Variants in TTN observed in about 807,000 individuals in gnomAD.
TTN encodes the protein connectin.
Under a neutral mutation model 3,223.0 loss-of-function variants are expected in TTN, and 1,525 were observed. The observed-to-expected ratio is 0.47, with a 90% CI of 0.45 to 0.49. TTN has a LOEUF of 0.49. Ranked by LOEUF, TTN falls within the 20% of genes least tolerant of loss-of-function variation. The pLI, the probability that TTN is intolerant of heterozygous loss-of-function variation, is 0.00. For missense variants in TTN, 40,786 were observed against 43,424.0 expected (o/e 0.94, Z 5.40); for synonymous variants, 14,094 against 15,161.0 (o/e 0.93, Z 5.17).
At chr2:178,702,090 A>AT (rs761558425) in intron 108 of TTN, 24 bp from the exon 109 acceptor site, 268 of 1,612,046 alleles carry the variant, frequency 1.7e-4, no homozygotes, top group Non-Finnish European at 2.2e-4. Flanking sequence ...AAAAAATGAT[A>AT]TTTTTGTGTT....
rs745618542 is a variant in TTN at position 178,642,269 on chromosome 2, G to A, written c.40526C>T (p.Pro13509Leu). Residue 13509 changes from proline to leucine, a missense_variant, in exon 219 of 363, where the codon CCT (proline) becomes CTT (leucine). Transcript: ENST00000589042. ...CAGAACAACTTCTTCCTTTGGTTCA[G>A]GTTTACGTTCCGGAAGTAATTTGCG... is the stretch of plus-strand genomic sequence containing the variant. ...KVRKLLPERK[P>L]EPKEEVVLKS... is the part of the protein sequence containing the mutation. The A allele has an allele frequency of 6.3e-7, 1 of 1,595,954 alleles. No homozygotes were observed. Among genetic ancestry groups the A allele is most frequent in the Admixed American group, 1.7e-5 (1 of 57,960 alleles).
At chr2:178,697,691 C>A (rs2073971362) in intron 112 of TTN, among the ~76,000 whole-genome samples, 1 of 152,098 alleles carries the variant, frequency 6.6e-6, no homozygotes, top group African/African-American at 2.4e-5. Context: ...TAATCTTAGT[C>A]AAATGAGTTA....
chr2:178,692,472 AT>A, intron 120 of TTN, 24 bp downstream of exon 120: 1 of 1,546,398 alleles, frequency 6.5e-7, no homozygotes, highest in Non-Finnish European at 8.8e-7. Context: ...GCTAAGAATT[AT>A]TTTTTTCACA....
At position 178,592,127 on chromosome 2, in the gene TTN, G is replaced by T. The variant is rs2050345101; in HGVS notation, c.59777C>A (p.Pro19926His). ...RRDVASAQWS[P>H]LSATSKKKSH... ...CTTTTTCTTTGATGTAGCTGAGAGA[G>T]GTGACCACTGGGCGCTGGCAACATC... The change falls in exon 302 of 363, where the codon CCT (proline) becomes CAT (histidine). Residue 19926 changes from proline to histidine, a missense_variant. Pro to His is a moderately conservative substitution (Grantham distance 77, BLOSUM62 -2). Transcript: ENST00000589042. 1 of 1,612,918 alleles carries T rather than the reference G, an allele frequency of 6.2e-7. No homozygotes were observed. Among genetic ancestry groups the T allele is most frequent in the Non-Finnish European group, 8.5e-7 (1 of 1,179,486 alleles).
Position 178,756,482 on chromosome 2 carries a change from T to G in TTN, c.10994A>C (p.His3665Pro). The change falls in exon 46 of 363, where the codon CAT (histidine) becomes CCT (proline). Residue 3665 changes from histidine (H) to proline (P), a missense_variant. Coordinates refer to ENST00000589042, the MANE Select transcript of TTN (RefSeq NM_001267550.2). ...GCACTTTACAGTGACGTCCTGAAGA[T>G]GCAGGAAAATCTTGGGCGCCTCACC... ...STGEAPKIFLHLQDVTVKCGD... is the reference protein window; with the variant it reads ...STGEAPKIFLPLQDVTVKCGD... The G allele has an allele frequency of 1.2e-6, 2 of 1,613,860 alleles. No homozygotes were observed. Among genetic ancestry groups the G allele is most frequent in the Non-Finnish European group, 1.7e-6 (2 of 1,179,808 alleles).
chr2:178,675,971 G>A lies in TTN; in HGVS notation c.34403C>T (p.Thr11468Ile), dbSNP rs2068002394. 2.5e-6 allele frequency: 4 copies of A among 1,605,326 alleles called. No homozygotes were observed. Among genetic ancestry groups the A allele is most frequent in the Non-Finnish European group, 3.4e-6 (4 of 1,175,282 alleles). The change falls in exon 148 of 363, where the codon ACA becomes ATA. Residue 11468 changes from threonine (T) to isoleucine (I), a missense_variant. Physicochemically the swap from Thr to Ile is moderately conservative, Grantham distance 89 (BLOSUM62 -1). Coordinates refer to ENST00000589042, the MANE Select transcript of TTN (RefSeq NM_001267550.2). ...CTTGGGAATGACCACTTTCTTCTCT[G>A]TCACTTTCTTCTTAATTTCAGGCAC... ...PKVPEIKKKV[T>I]EKKVVIPKKE...
chr2:178,560,727 A>G lies in TTN; in HGVS notation c.85405T>C (p.Ser28469Pro). 2 of 1,613,712 alleles carry G rather than the reference A, an allele frequency of 1.2e-6. No homozygotes were observed. The highest frequency in any genetic ancestry group is 1.7e-6 in the Non-Finnish European group (2 of 1,179,794). Residue 28469 changes from serine (S) to proline (P), a missense_variant, in exon 326 of 363, where the codon TCT becomes CCT. By Grantham distance (74) the Ser-to-Pro change is moderately conservative (BLOSUM62 -1). Coordinates refer to ENST00000589042, the MANE Select transcript of TTN (RefSeq NM_001267550.2). Reference sequence around the variant, plus strand: ...TCTTGGGGACGTCCCCAGGAAAGAGAGCATTTCTCAGCAGTGAGGCCATTT... The same window carrying G: ...TCTTGGGGACGTCCCCAGGAAAGAGGGCATTTCTCAGCAGTGAGGCCATTT... ...EINGLTAEKC[S>P]LSWGRPQEDG...
intron 121 of TTN, among the ~76,000 whole-genome samples, chr2:178,690,221 T>C (rs1363481873): frequency 6.6e-6 from 1 of 152,224 alleles, no homozygotes; most frequent in Non-Finnish European, 1.5e-5. Flanking sequence ...ATATGGTATA[T>C]AGAAAACTTC....
At chr2:178,610,521 GCAGA>G (rs2056066199) in intron 270 of TTN, 132 bp from the exon 271 acceptor site, 2 of 957,596 alleles carry the variant, frequency 2.1e-6, no homozygotes, top group East Asian at 5.2e-5. Flanking sequence ...CATTCACACT[GCAGA>G]GCATTTAGCA....
chr2:178,687,300 C>G (rs2071181665), intron 127 of TTN, among the ~76,000 whole-genome samples: 1 of 152,172 alleles, frequency 6.6e-6, no homozygotes, highest in Non-Finnish European at 1.5e-5. Context: ...GGCCACATGG[C>G]TCTAGCCAGA....
At position 178,768,120 on chromosome 2, in the gene TTN, T is replaced by G; in HGVS notation, c.9199A>C (p.Ile3067Leu). 1 of 1,614,118 alleles carries G rather than the reference T, an allele frequency of 6.2e-7. No homozygotes were observed. ...GCTCGCTTCTTCTCCAGTACCTTAATGTCCTTAATGTGTTTCCTAAATTCT... is the reference window on the plus strand; with the variant it reads ...GCTCGCTTCTTCTCCAGTACCTTAAGGTCCTTAATGTGTTTCCTAAATTCT... ...HIEFRKHIKDIKVLEKKRAMF... is the reference protein window; with the variant it reads ...HIEFRKHIKDLKVLEKKRAMF... The change falls in exon 39 of 363, where the codon ATT becomes CTT. Residue 3067 changes from isoleucine (I) to leucine (L), a missense_variant. Ile to Leu is a conservative substitution (Grantham distance 5). Transcript: ENST00000589042.
rs765919852 is a variant in TTN, at chr2:178,774,510, GGA to G, written c.6791-39_6791-38del. 2.5e-6 allele frequency: 4 copies of G among 1,598,014 alleles called. No individual in the cohort carries two copies. In the African/African-American group the frequency reaches 5.4e-5, roughly 21 times the overall value. On this transcript the variant is annotated intron_variant, in intron 29 of 362. Coordinates refer to ENST00000589042, the MANE Select transcript of TTN (RefSeq NM_001267550.2). ...AACAGAAAGATAAATCAATTTTTTT[GGA>G]GAGGTATGCATCTAGACTTAGGATA... is the stretch of plus-strand genomic sequence containing the variant.
At chr2:178,622,082 T>G in intron 243 of TTN, 74 bp from the exon 244 acceptor site, 1 of 1,405,412 alleles carries the variant, frequency 7.1e-7, no homozygotes, top group East Asian at 2.4e-5. Flanking sequence ...AAAACTATGA[T>G]CCTGAGTTTT....
Position 178,774,374 on chromosome 2 carries a change from C to G in TTN, c.6890G>C (p.Gly2297Ala). 6.2e-7 allele frequency: 1 copy of G among 1,613,998 alleles called. No homozygotes were observed. The highest frequency in any genetic ancestry group is 8.5e-7 in the Non-Finnish European group (1 of 1,179,936). The change falls in exon 30 of 363, where the codon GGA becomes GCA. Residue 2297 changes from glycine (G) to alanine (A), a missense_variant. Coordinates refer to ENST00000589042, the MANE Select transcript of TTN (RefSeq NM_001267550.2). Reference protein sequence around the residue: ...ECIVSPENIEGKWYHNDVELK... With the variant: ...ECIVSPENIEAKWYHNDVELK... ...CTCCACATCATTATGATACCATTTT[C>G]CTTCTATATTTTCTGGGGATACAAT... is the stretch of plus-strand genomic sequence containing the variant.
Position 178,636,717 on chromosome 2 carries a change from A to C in TTN, c.41010T>G (p.Asp13670Glu). Residue 13670 changes from aspartate (D) to glutamate (E), a missense_variant, in exon 225 of 363, where the codon GAT (aspartate) becomes GAG (glutamate). Transcript: ENST00000589042. The surrounding 1 kb of genome is among the most constrained non-coding windows in gnomAD (Gnocchi z 4.3). ...TTAGCTGGTAGGTGAACGGGGCTTC[A>C]TCAGGAGGTTTCTCTCCACCACTTC... ...RPGSGGEKPP[D>E]EAPFTYQLKA... 6.2e-7 allele frequency: 1 copy of C among 1,613,152 alleles called. No homozygotes were observed. Among genetic ancestry groups the C allele is most frequent in the South Asian group, 1.1e-5 (1 of 91,058 alleles).
Position 178,794,420 on chromosome 2 carries a change from G to A in TTN, c.1377C>T (p.His459=), listed in dbSNP as rs770514023. 1.5e-5 allele frequency: 24 copies of A among 1,614,188 alleles called. No homozygotes were observed. The highest frequency in any genetic ancestry group is 2.0e-5 in the Non-Finnish European group (24 of 1,180,018). The change falls in exon 8 of 363, where the codon CAC becomes CAT. Residue 459 remains histidine, a synonymous_variant. Coordinates refer to ENST00000589042, the MANE Select transcript of TTN (RefSeq NM_001267550.2). ...TAQRTTTTAV[H]IQPAQEQVRK... is the part of the protein sequence containing the mutation. ...GTACCTGTTCTTGAGCAGGTTGGAT[G>A]TGCACAGCAGTCGTGGTTGTCCTCT...
At position 178,683,300 on chromosome 2, in the gene TTN, G is replaced by A; in HGVS notation, c.32807-9C>T. The stretch of plus-strand genomic sequence containing the variant: ...TTTTCTGAATTCAGTCACTTTAAAG[G>A]AGTAATTATTAAAAGTGAATTGCAA... On this transcript the variant is annotated splice_polypyrimidine_tract_variant and intron_variant, in intron 133 of 362. Coordinates refer to ENST00000589042, the MANE Select transcript of TTN (RefSeq NM_001267550.2). The A allele has an allele frequency of 6.8e-7, 1 of 1,469,628 alleles. No homozygotes were observed. The highest frequency in any genetic ancestry group is 9.2e-7 in the Non-Finnish European group (1 of 1,087,892). 91.0% of individuals were successfully genotyped at this position (1,469,628 alleles called of 1,614,324 possible).
chr2:178,663,584 A>T, intron 171 of TTN, 43 bp downstream of exon 171: 1 of 1,613,664 alleles, frequency 6.2e-7, no homozygotes, highest in Non-Finnish European at 8.5e-7. Flanking sequence ...TTTCCAGAGC[A>T]GAAGAGATAC....
rs397517672 is a variant in TTN, at chr2:178,775,835, T to C, written c.6029A>G (p.Tyr2010Cys). The change falls in exon 28 of 363, where the codon TAT (tyrosine) becomes TGT (cysteine). Residue 2010 changes from tyrosine (Y) to cysteine (C), a missense_variant. Physicochemically the swap from Tyr to Cys is radical, Grantham distance 194 (BLOSUM62 -2). Coordinates refer to ENST00000589042, the MANE Select transcript of TTN (RefSeq NM_001267550.2). Reference sequence around the variant, plus strand: ...GAGCTCCACAGCGGTAATGGCTTCATAATAGCCCTCTTCTGTTCTGCGCTT... The same window carrying C: ...GAGCTCCACAGCGGTAATGGCTTCACAATAGCCCTCTTCTGTTCTGCGCTT... ...KFKRRTEEGY[Y>C]EAITAVELKS... 1.2e-6 allele frequency: 2 copies of C among 1,614,104 alleles called. No individual in the cohort carries two copies. Among genetic ancestry groups the C allele is most frequent in the African/African-American group, 1.3e-5 (1 of 75,022 alleles).
Sources: allele counts gnomAD v4.1 joint callset (sites outside exome capture counted in the v4.1 genomes callset), GRCh38; gene constraint gnomAD v4.1.1; non-coding constraint Gnocchi (gnomAD v3.1); transcripts MANE v1.5; gene names NCBI Gene and HGNC (gene_info 2026-07-23, HGNC 2026-07-21).